EVC2: variants seen among roughly 807,000 people sequenced by gnomAD.
EVC2 encodes the protein EvC ciliary complex subunit 2.
Under a neutral mutation model 149.3 loss-of-function variants are expected in EVC2, and 148 were observed. The ratio of observed to expected loss-of-function variants is 0.99; its 90% CI spans 0.87 to 1.14. The LOEUF (loss-of-function observed/expected upper bound fraction) is 1.14. Among genes scored for constraint, EVC2 ranks in the 50% most tolerant of loss-of-function variants. The pLI is 0.00. For synonymous variants in EVC2, 776 were observed against 649.9 expected (o/e 1.19, Z -2.95); for missense variants, 1,854 against 1,627.3 (o/e 1.14, Z -2.40).
rs773126892 is a variant in EVC2, at chr4:5,568,592, C to T, written c.3409G>A (p.Ala1137Thr). The T allele has an allele frequency of 1.9e-6, 3 of 1,608,624 alleles. No individual in the cohort carries two copies. Among genetic ancestry groups the T allele is most frequent in the East Asian group, 2.2e-5 (1 of 44,826 alleles). The change falls in exon 20 of 22, where the codon GCC (alanine) becomes ACC (threonine). Residue 1137 changes from alanine to threonine, a missense_variant. By Grantham distance (58) the Ala-to-Thr change is moderately conservative. Transcript: ENST00000344408. The part of the protein sequence containing the change: ...YLARMAMVPG[A>T]TLRRLLSVVL... ...ACACTCAGGAGCCGGCGAAGCGTGG[C>T]CCCGGGCACCATGGCCATCCTCGCC...
At chr4:5,690,730 CCTGGGCTCTG>C (rs1721067256) in intron 4 of EVC2, among the ~76,000 whole-genome samples, 1 of 152,158 alleles carries the variant, frequency 6.6e-6, no homozygotes, top group East Asian at 1.9e-4. Context: ...CCTGGTCTCT[CCTGGGCTCTG>C]CGACATTCAC....
Position 5,576,597 on chromosome 4 carries a change from G to T in EVC2, c.3058-143C>A. The T allele has an allele frequency of 6.9e-7, 1 of 1,449,524 alleles. No individual in the cohort carries two copies. The highest frequency in any genetic ancestry group is 9.3e-7 in the Non-Finnish European group (1 of 1,072,804). The allele number at this position is 1,449,524 out of a possible 1,614,324, so 89.8% of individuals were successfully genotyped here. A position where few individuals can be genotyped will look rare whatever the true frequency, so the allele number is the denominator to read the frequency against. ...TCCCCATCCAGCTGTGCCACATGGT[G>T]CAATGTGAGTGCACCACGATCTCTC... On this transcript the variant is annotated intron_variant, in intron 17 of 21. Coordinates refer to ENST00000344408, the MANE Select transcript of EVC2 (RefSeq NM_147127.5). The surrounding 1 kb of genome is among the most constrained non-coding windows in gnomAD (Gnocchi z 4.5).
chr4:5,568,392 A>T (rs922097084), intron 20 of EVC2, 52 bp downstream of exon 20: 17 of 1,519,948 alleles, frequency 1.1e-5, no homozygotes, highest in Non-Finnish European at 1.5e-5. Context: ...ACTCATGGGG[A>T]CCCTTGTGGA....
intron 9 of EVC2, among the ~76,000 whole-genome samples, chr4:5,662,632 A>T (rs976261013): frequency 2.3e-4 from 34 of 145,528 alleles, no homozygotes; most frequent in Non-Finnish European, 4.2e-4. Flanking sequence ...TAATTATATT[A>T]AAATATAATA....
At chr4:5,596,426 C>G (rs982032853) in intron 16 of EVC2, among the ~76,000 whole-genome samples, 1 of 152,036 alleles carries the variant, frequency 6.6e-6, no homozygotes, top group Non-Finnish European at 1.5e-5. Flanking sequence ...CACTCAAAAC[C>G]GCTCAACTAC....
chr4:5,655,742 A>G (rs1718478377), intron 9 of EVC2, among the ~76,000 whole-genome samples: 1 of 139,490 alleles, frequency 7.2e-6, no homozygotes, highest in South Asian at 2.7e-4. Context: ...AAAAAAAAAA[A>G]TGGAAGGAAG....
chr4:5,700,773 G>A (rs1577273628), intron 1 of EVC2, among the ~76,000 whole-genome samples: 2 of 152,282 alleles, frequency 1.3e-5, no homozygotes, highest in African/African-American at 2.4e-5. Context: ...TGGCCAGCCT[G>A]CCCCTCCCTG....
chr4:5,581,763 A>C (rs2108784833), intron 17 of EVC2, among the ~76,000 whole-genome samples: 1 of 152,356 alleles, frequency 6.6e-6, no homozygotes, highest in African/African-American at 2.4e-5. Flanking sequence ...GCAGCCCTTT[A>C]ATCACAGTCC....
intron 21 of EVC2, among the ~76,000 whole-genome samples, chr4:5,548,469 C>T (rs1721664691): frequency 6.6e-6 from 1 of 150,920 alleles, no homozygotes. Context: ...TTGCCTACTT[C>T]TAAGTTGTGT....
At chr4:5,675,238 C>T (rs944797731) in intron 7 of EVC2, among the ~76,000 whole-genome samples, 5 of 152,216 alleles carry the variant, frequency 3.3e-5, no homozygotes, top group African/African-American at 4.8e-5. Context: ...AAGTTTGCAA[C>T]TATGTGTACC....
At position 5,613,877 on chromosome 4, in the gene EVC2, A is replaced by G. The variant is rs1367650824; in HGVS notation, c.2829+1545T>C. Among the ~76,000 whole-genome samples, 1 of 152,180 alleles carries G rather than the reference A, an allele frequency of 6.6e-6. No homozygotes were observed. The highest frequency in any genetic ancestry group is 1.9e-4 in the East Asian group (1 of 5,192). On this transcript the variant is annotated intron_variant, in intron 16 of 21. Coordinates refer to ENST00000344408, the MANE Select transcript of EVC2 (RefSeq NM_147127.5). The surrounding 1 kb of genome is among the most constrained non-coding windows in gnomAD (Gnocchi z 4.6). ...CTTAAGACATCAACAACCTGGACAC[A>G]CCTGATGGGAGACACTGAGCCCAGA...
At chr4:5,615,589 G>T (rs992891195) in intron 15 of EVC2, 45 bp from the exon 16 acceptor site, 3 of 1,613,762 alleles carry the variant, frequency 1.9e-6, no homozygotes, top group South Asian at 1.1e-5. Context: ...GCAATCACCA[G>T]CAAGTCCATG....
intron 21 of EVC2, among the ~76,000 whole-genome samples, chr4:5,554,538 A>G (rs1403665807): frequency 1.3e-5 from 2 of 152,320 alleles, no homozygotes; most frequent in East Asian, 3.9e-4. Context: ...AGAGTAGAAA[A>G]GCAAGCATTG....
chr4:5,678,090 G>T (rs1296618680), intron 7 of EVC2, among the ~76,000 whole-genome samples: 1 of 152,224 alleles, frequency 6.6e-6, no homozygotes, highest in African/African-American at 2.4e-5. Context: ...TTCCTGTAGG[G>T]CTGGGCCTCA....
chr4:5,582,373 G>A (rs1711874687), intron 17 of EVC2, among the ~76,000 whole-genome samples: 1 of 152,250 alleles, frequency 6.6e-6, no homozygotes, highest in Non-Finnish European at 1.5e-5. Context: ...GGAGTCAAAG[G>A]AGATTGTTTT....
intron 16 of EVC2, among the ~76,000 whole-genome samples, chr4:5,594,280 C>T (rs576179518): frequency 1.3e-4 from 20 of 152,330 alleles, no homozygotes; most frequent in African/African-American, 4.8e-4. Context: ...CAAGTGGGTG[C>T]CTGACCCCTG....
At chr4:5,689,129 C>T (rs746473614) in intron 5 of EVC2, 28 bp downstream of exon 5, 1 of 1,612,896 alleles carries the variant, frequency 6.2e-7, no homozygotes, top group East Asian at 2.2e-5. Flanking sequence ...CATTTGTCAT[C>T]CCTGACTTCA....
rs764219092 is a variant in EVC2, at chr4:5,625,702, T to G, written c.2046+47A>C. The G allele has an allele frequency of 6.2e-7, 1 of 1,611,486 alleles. No individual in the cohort carries two copies. The highest frequency in any genetic ancestry group is 1.1e-5 in the South Asian group (1 of 90,958). ...CACAGTACCTGGCACTTGATGGGTATCAGAAAGTGCCTATGCAAAGAATAA... is the reference window on the plus strand; with the variant it reads ...CACAGTACCTGGCACTTGATGGGTAGCAGAAAGTGCCTATGCAAAGAATAA... On this transcript the variant is annotated intron_variant, in intron 13 of 21. Coordinates refer to ENST00000344408, the MANE Select transcript of EVC2 (RefSeq NM_147127.5). This position sits in a 1 kb window ranked among gnomAD's most constrained non-coding sequence, Gnocchi z 4.0.
intron 16 of EVC2, among the ~76,000 whole-genome samples, chr4:5,606,574 T>C (rs1714404844): frequency 6.6e-6 from 1 of 151,962 alleles, no homozygotes; most frequent in Non-Finnish European, 1.5e-5. Flanking sequence ...CACAATGAAA[T>C]CCAGTACCCA....
Sources: gnomAD v4.1 joint callset for allele counts (sites outside exome capture counted in the v4.1 genomes callset) on GRCh38, gnomAD v4.1.1 for gene constraint, Gnocchi (gnomAD v3.1) non-coding constraint, MANE v1.5 for transcripts, NCBI Gene and HGNC (gene_info 2026-07-23, HGNC 2026-07-21) for gene names.